Variants in ABCB1 observed in about 807,000 individuals in gnomAD.
ABCB1 encodes ATP-dependent translocase ABCB1.
Under a neutral mutation model 142.0 loss-of-function variants are expected in ABCB1, and 69 were observed. That is an observed-to-expected ratio of 0.49 (90% CI 0.40 to 0.59). The LOEUF (loss-of-function observed/expected upper bound fraction) is 0.59, where lower values mean the gene tolerates loss of function less well. Among genes scored for constraint, ABCB1 ranks in the 20% least tolerant of loss-of-function variants. The pLI is 0.00. For synonymous variants in ABCB1, 532 were observed against 539.2 expected, an observed-to-expected ratio of 0.99 and a Z score of 0.18; for missense variants, 1,326 against 1,554.7, an observed-to-expected ratio of 0.85 and a Z score of 2.47.
chr7:87,632,016 T>C (rs1342274026), intron 1 of ABCB1, among the ~76,000 whole-genome samples: 1 of 152,172 alleles, frequency 6.6e-6, no homozygotes. Context: ...ATTACGTATG[T>C]GCATTTTTCT....
chr7:87,549,608 A>C, intron 13 of ABCB1, 90 bp from the exon 14 acceptor site: 2 of 1,576,366 alleles, frequency 1.3e-6, no homozygotes, highest in Non-Finnish European at 1.7e-6. Context: ...ACACAGCCCA[A>C]GTCTCACAAG....
intron 15 of ABCB1, 72 bp from the exon 16 acceptor site, chr7:87,545,071 T>C (rs1816713704): frequency 7.0e-7 from 1 of 1,425,994 alleles, no homozygotes; most frequent in African/African-American, 1.4e-5. Context: ...TCACTGAATG[T>C]CAGCTATCAA....
chr7:87,582,393 T>C (rs1214009535), intron 4 of ABCB1, among the ~76,000 whole-genome samples: 1 of 152,198 alleles, frequency 6.6e-6, no homozygotes, highest in African/African-American at 2.4e-5. Flanking sequence ...CTCTGTATTA[T>C]ATCACTAATC....
At chr7:87,674,193 C>A (rs1030796700) in intron 1 of ABCB1, among the ~76,000 whole-genome samples, 4 of 152,182 alleles carry the variant, frequency 2.6e-5, no homozygotes, top group African/African-American at 7.2e-5. Flanking sequence ...TTCATGTGTG[C>A]CAGCATCTGC....
chr7:87,524,785 A>G (rs1584846466), intron 21 of ABCB1, among the ~76,000 whole-genome samples: 5 of 152,292 alleles, frequency 3.3e-5, no homozygotes, highest in Admixed American at 2.6e-4. Flanking sequence ...CAAAAAAAAA[A>G]AGAAATATTT....
At chr7:87,565,777 TTTTG>T (rs1287190835) in intron 7 of ABCB1, among the ~76,000 whole-genome samples, 1 of 152,066 alleles carries the variant, frequency 6.6e-6, no homozygotes, top group Admixed American at 6.5e-5. Flanking sequence ...TTGTTTTTGT[TTTTG>T]TTTGTTTACT....
intron 1 of ABCB1, among the ~76,000 whole-genome samples, chr7:87,695,764 A>G (rs753949864): frequency 3.3e-5 from 5 of 152,198 alleles, no homozygotes; most frequent in African/African-American, 4.8e-5. Flanking sequence ...GTAGAGAACC[A>G]CTTTAGAAAA....
At chr7:87,513,652 C>T (rs192790541) in intron 25 of ABCB1, among the ~76,000 whole-genome samples, 23 of 152,304 alleles carry the variant, frequency 1.5e-4, no homozygotes, top group Admixed American at 1.5e-3. Flanking sequence ...GAACAAATCA[C>T]TGATCGCAGC....
intron 1 of ABCB1, among the ~76,000 whole-genome samples, chr7:87,623,696 C>CT (rs756666894): frequency 0.032 from 4,780 of 148,002 alleles, 74 homozygotes; most frequent in Middle Eastern, 0.05. Context: ...CTCACATGGA[C>CT]TTTTTTTTTT....
intron 18 of ABCB1, 32 bp from the exon 19 acceptor site, chr7:87,539,377 C>T (rs1563041600): frequency 1.9e-6 from 3 of 1,594,226 alleles, no homozygotes; most frequent in Non-Finnish European, 2.6e-6. Context: ...GTCAGGGACC[C>T]AGCCACCATT....
At chr7:87,530,127 A>C (rs1023337035) in intron 21 of ABCB1, among the ~76,000 whole-genome samples, 2 of 152,198 alleles carry the variant, frequency 1.3e-5, no homozygotes, top group African/African-American at 4.8e-5. Context: ...TTCATCATTC[A>C]CTTGGTGAGG....
At chr7:87,560,361 C>T (rs973758082) in intron 8 of ABCB1, among the ~76,000 whole-genome samples, 2 of 152,140 alleles carry the variant, frequency 1.3e-5, no homozygotes, top group African/African-American at 2.4e-5. Context: ...GTACTCCAAA[C>T]ACATATGCAC....
chr7:87,539,487 T>G (rs1816437719), intron 18 of ABCB1, 142 bp from the exon 19 acceptor site: 1 of 875,298 alleles, frequency 1.1e-6, no homozygotes, highest in Non-Finnish European at 1.9e-6. Context: ...TGTGACTGTG[T>G]GCCATGGCAC....
At chr7:87,530,890 AAAG>A (rs1816025437) in intron 21 of ABCB1, among the ~76,000 whole-genome samples, 1 of 150,722 alleles carries the variant, frequency 6.6e-6, no homozygotes, top group African/African-American at 2.4e-5. Flanking sequence ...AAGAAAAAGA[AAAG>A]AAGGAAGAAG....
At chr7:87,528,496 T>C (rs962107919) in intron 21 of ABCB1, among the ~76,000 whole-genome samples, 2 of 152,146 alleles carry the variant, frequency 1.3e-5, no homozygotes, top group Admixed American at 6.6e-5. Context: ...TTCCAATACA[T>C]TTATTGAAAA....
chr7:87,561,296 A>G lies in ABCB1; in HGVS notation c.794T>C (p.Ile265Thr), dbSNP rs200067310. Reference protein sequence around the residue: ...EEVLAAIRTVIAFGGQKKELE... With the variant: ...EEVLAAIRTVTAFGGQKKELE... ...TTCTTTCTTTTGTCCTCCAAATGCA[A>G]TCACAGTTCTAATTGCTGCCAAGAC... Residue 265 changes from isoleucine (I) to threonine (T), a missense_variant, in exon 8 of 28, where the codon ATT becomes ACT. Physicochemically the swap from Ile to Thr is moderately conservative, Grantham distance 89 (BLOSUM62 -1). Coordinates refer to ENST00000622132, the MANE Select transcript of ABCB1 (RefSeq NM_001348946.2). The G allele has an allele frequency of 9.9e-6, 16 of 1,613,986 alleles. No individual in the cohort carries two copies. Among genetic ancestry groups the G allele is most frequent in the Non-Finnish European group, 1.4e-5 (16 of 1,179,994 alleles).
chr7:87,643,827 A>G (rs1191787102), intron 1 of ABCB1, among the ~76,000 whole-genome samples: 1 of 149,820 alleles, frequency 6.7e-6, no homozygotes, highest in Admixed American at 6.6e-5. Flanking sequence ...ACGCCCGGCC[A>G]AGAATTCGCA....
At chr7:87,678,460 C>G (rs1021947915) in intron 1 of ABCB1, among the ~76,000 whole-genome samples, 3 of 151,832 alleles carry the variant, frequency 2.0e-5, no homozygotes, top group Non-Finnish European at 4.4e-5. Flanking sequence ...TATAAAGATA[C>G]TAAGAGTTTT....
rs1563079683 is a variant in ABCB1 at position 87,626,137 on chromosome 7, G to GTGTCATATATATTGTCATATATA, written c.-330-25082_-330-25060dup. The stretch of plus-strand genomic sequence containing the variant: ...GTGTCATATATATTGTCATATATAT[G>GTGTCATATATATTGTCATATATA]TGTCATATATATTGTCATATATATG... On this transcript the variant is annotated intron_variant, in intron 1 of 28. Transcript: ENST00000265724. Among the ~76,000 whole-genome samples, 4 of 137,016 alleles carry GTGTCATATATATTGTCATATATA rather than the reference G, an allele frequency of 2.9e-5. No individual in the cohort carries two copies. In the East Asian group the frequency reaches 9.0e-4, roughly 31 times the overall value. 89.9% of individuals were successfully genotyped at this position (137,016 alleles called of 152,430 possible). A position where few individuals can be genotyped will look rare whatever the true frequency, so the allele number is the denominator to read the frequency against.
Sources: allele counts gnomAD v4.1 joint callset (sites outside exome capture counted in the v4.1 genomes callset), GRCh38; gene constraint gnomAD v4.1.1; transcripts MANE v1.5; gene names NCBI Gene and HGNC (gene_info 2026-07-23, HGNC 2026-07-21).